Variants in SNX29 observed in about 807,000 individuals in gnomAD.
SNX29 encodes sorting nexin-29.
Under a neutral mutation model 102.1 loss-of-function variants are expected in SNX29, and 78 were observed. The ratio of observed to expected loss-of-function variants is 0.76; its 90% confidence interval spans 0.64 to 0.92. The LOEUF (loss-of-function observed/expected upper bound fraction) is 0.92, where lower values mean the gene tolerates loss of function less well. Among genes scored for constraint, SNX29 ranks in the 40% least tolerant of loss-of-function variants. SNX29 has a pLI of 0.00. For missense variants in SNX29, 1,280 were observed against 1,061.7 expected (o/e 1.21, Z -2.86); for synonymous variants, 580 against 414.5 (o/e 1.40, Z -4.85).
intron 15 of SNX29, among the ~76,000 whole-genome samples, chr16:12,305,837 T>C (rs2080320574): frequency 6.6e-6 from 1 of 152,216 alleles, no homozygotes; most frequent in Admixed American, 6.5e-5. Flanking sequence ...CCTTGTCCTT[T>C]TCTGTACATC....
rs976372289 is a variant in SNX29, at chr16:12,573,749, G to A, written c.*5120G>A. 9.0e-6 allele frequency: 2 copies of A among 222,970 alleles called. No homozygotes were observed. The highest frequency in any genetic ancestry group is 9.0e-6 in the Non-Finnish European group (1 of 111,610). The allele number at this position is 222,970 out of a possible 1,614,324, so 13.8% of individuals were successfully genotyped here. On this transcript the variant is annotated 3_prime_UTR_variant, in exon 21 of 21. Coordinates refer to ENST00000566228, the MANE Select transcript of SNX29 (RefSeq NM_032167.5). ...GGTGGATCGTACATTTGCACCCAGA[G>A]CTACTAAACGCTCAGTGACCCCAGA...
At chr16:12,093,657 C>T (rs2052652973) in intron 11 of SNX29, 1 of 152,174 alleles carries the variant, frequency 6.6e-6, no homozygotes, top group Non-Finnish European at 1.5e-5. Context: ...TCTCTGAACT[C>T]GTTTTCCCAG....
chr16:12,570,328 G>A lies in SNX29; in HGVS notation c.*1699G>A, dbSNP rs972446777. The A allele has an allele frequency of 1.2e-5, 11 of 888,316 alleles. No homozygotes were observed. The African/African-American group carries it at 1.4e-4, about 11-fold the overall frequency. 55.0% of individuals were successfully genotyped at this position (888,316 alleles called of 1,614,324 possible). ...CCGAGACATCCTGTAAAGGCAACTT[G>A]GTCTCCCTCCCACTCACCTGCCAAC... On this transcript the variant is annotated 3_prime_UTR_variant, in exon 21 of 21. Coordinates refer to ENST00000566228, the MANE Select transcript of SNX29 (RefSeq NM_032167.5).
At chr16:12,133,656 A>T (rs1219734412) in intron 13 of SNX29, among the ~76,000 whole-genome samples, 2 of 152,218 alleles carry the variant, frequency 1.3e-5, no homozygotes, top group African/African-American at 4.8e-5. Flanking sequence ...TTGAATAAAT[A>T]AAACGAGAGA....
intron 1 of SNX29, among the ~76,000 whole-genome samples, chr16:11,997,099 A>T (rs1215251167): frequency 6.6e-6 from 1 of 152,058 alleles, no homozygotes; most frequent in Non-Finnish European, 1.5e-5. Flanking sequence ...TCAACAGTCT[A>T]ACCCCTTTAT....
chr16:12,336,641 C>G (rs2081459470), intron 15 of SNX29, among the ~76,000 whole-genome samples: 1 of 152,152 alleles, frequency 6.6e-6, no homozygotes, highest in Admixed American at 6.5e-5. Flanking sequence ...GATGGAACAT[C>G]AAGGTATGAG....
At chr16:12,257,111 T>A (rs924898853) in intron 14 of SNX29, among the ~76,000 whole-genome samples, 4 of 152,266 alleles carry the variant, frequency 2.6e-5, no homozygotes, top group Admixed American at 2.6e-4. Context: ...GTTGACAGAA[T>A]CCAGTTCCGA....
At chr16:12,538,561 G>C (rs895072620) in intron 20 of SNX29, among the ~76,000 whole-genome samples, 3 of 152,162 alleles carry the variant, frequency 2.0e-5, no homozygotes, top group African/African-American at 7.2e-5. Context: ...GGCTTAACTG[G>C]TCTTAGCTGA....
At chr16:12,377,289 T>C (rs567631271) in intron 16 of SNX29, among the ~76,000 whole-genome samples, 50 of 152,312 alleles carry the variant, frequency 3.3e-4, no homozygotes, top group African/African-American at 1.1e-3. Context: ...TAGATTTCTG[T>C]CTCTTTCATG....
intron 13 of SNX29, among the ~76,000 whole-genome samples, chr16:12,189,820 A>T (rs1004354959): frequency 2.0e-5 from 3 of 152,116 alleles, no homozygotes; most frequent in Non-Finnish European, 4.4e-5. Context: ...ATAATGGATT[A>T]TAAGCTGAAT....
intron 11 of SNX29, among the ~76,000 whole-genome samples, chr16:12,104,423 G>A (rs184782342): frequency 0.01 from 1,533 of 152,220 alleles, 25 homozygotes; most frequent in Non-Finnish European, 0.011. Flanking sequence ...GGGCGTGGTG[G>A]TGCATGCCTG....
At chr16:12,269,837 CCATCATCAT>C (rs201886063) in intron 14 of SNX29, among the ~76,000 whole-genome samples, 1 of 129,202 alleles carries the variant, frequency 7.7e-6, no homozygotes, top group East Asian at 2.1e-4. Flanking sequence ...ATCATCATCA[CCATCATCAT>C]CATCATCATC....
At chr16:12,037,894 G>A (rs2057520615) in intron 4 of SNX29, among the ~76,000 whole-genome samples, 1 of 152,070 alleles carries the variant, frequency 6.6e-6, no homozygotes, top group Non-Finnish European at 1.5e-5. Context: ...GTTCAAGACT[G>A]CAGTAAACTA....
chr16:12,051,986 C>T lies in SNX29; in HGVS notation c.888C>T (p.Ser296=), dbSNP rs147906382. Residue 296 remains serine (S), a synonymous_variant, in exon 8 of 21, where the codon TCC becomes TCT. Transcript: ENST00000566228. ...CAGGGGAGAGCTCAGAGGACAACTC[C>T]GACCGCTCCTCTGTCAATATCATGT... is the stretch of plus-strand genomic sequence containing the variant. ...PGAGESSEDN[S]DRSSVNIMSA... is the part of the protein sequence containing the mutation. 1,277 of 1,613,930 alleles carry T rather than the reference C, an allele frequency of 7.9e-4. 8 individuals are homozygous for T. In the African/African-American group the frequency reaches 0.014, roughly 18 times the overall value.
rs746322962 is a variant in SNX29 at position 12,569,449 on chromosome 16, T to C, written c.*820T>C. ...AGCGTGTCCAAAGTAGCATTGGCCC[T>C]ACAGTCATGAGAGACTTGGGTCAGG... On this transcript the variant is annotated 3_prime_UTR_variant, in exon 21 of 21. Transcript: ENST00000566228. The C allele has an allele frequency of 1.7e-5, 4 of 230,778 alleles. No individual in the cohort carries two copies. Among genetic ancestry groups the C allele is most frequent in the Non-Finnish European group, 3.4e-5 (4 of 116,598 alleles). The allele number at this position is 230,778 out of a possible 1,614,324, so 14.3% of individuals were successfully genotyped here.
intron 18 of SNX29, among the ~76,000 whole-genome samples, chr16:12,422,570 C>T (rs1275287207): frequency 6.6e-6 from 1 of 152,226 alleles, no homozygotes; most frequent in Non-Finnish European, 1.5e-5. Flanking sequence ...CTTCCCTGGG[C>T]TCCTTGTCCC....
chr16:12,472,788 A>T lies in SNX29; in HGVS notation c.2038-4931A>T, dbSNP rs1424027061. 2.6e-5 allele frequency among the ~76,000 whole-genome samples: 4 copies of T among 151,866 alleles called. No homozygotes were observed. The South Asian group carries it at 6.3e-4, about 24-fold the overall frequency. On this transcript the variant is annotated intron_variant, in intron 18 of 20. Transcript: ENST00000566228. ...CTCCCCTTAACCTTCCTTTACCTCC[A>T]CTGTTATTACAGACATCATGAGGGT...
intron 14 of SNX29, among the ~76,000 whole-genome samples, chr16:12,255,323 G>A (rs1308128025): frequency 2.0e-5 from 3 of 151,968 alleles, no homozygotes; most frequent in African/African-American, 7.3e-5. Context: ...AGCCTCCCGA[G>A]TAGCTGGGAT....
chr16:12,239,076 G>A (rs1192770148), intron 14 of SNX29, among the ~76,000 whole-genome samples: 2 of 152,206 alleles, frequency 1.3e-5, no homozygotes, highest in African/African-American at 2.4e-5. Context: ...AACTTAGTCG[G>A]TGGCACCACT....
Sources: gnomAD v4.1 joint callset for allele counts (sites outside exome capture counted in the v4.1 genomes callset) on GRCh38, gnomAD v4.1.1 for gene constraint, MANE v1.5 for transcripts, NCBI Gene and HGNC (gene_info 2026-07-23, HGNC 2026-07-21) for gene names.